The following TSPAN31 variants were observed in gnomAD, a reference collection of about 807,000 sequenced individuals.
TSPAN31 encodes the protein tetraspanin 31.
In TSPAN31, 16 loss-of-function variants were observed where a neutral mutation model predicts 24.8. The observed-to-expected ratio is 0.64, with a 90% CI of 0.44 to 0.98. The LOEUF is 0.98. TSPAN31 is among the 50% of genes least tolerant of loss of function. The pLI is 0.00. For synonymous variants in TSPAN31, 87 were observed against 91.4 expected (o/e 0.95, Z 0.27); for missense variants, 209 against 251.6 (o/e 0.83, Z 1.15).
At chr12:57,746,084 G>A in intron 2 of TSPAN31, 92 bp from the exon 3 acceptor site, 4 of 1,436,404 alleles carry the variant, frequency 2.8e-6, no homozygotes, top group Non-Finnish European at 3.9e-6. Flanking sequence ...TTGACATGGT[G>A]GTGTAAGTTC....
chr12:57,745,569 T>C (rs752624462), intron 1 of TSPAN31, 176 bp from the exon 2 acceptor site: 36 of 755,994 alleles, frequency 4.8e-5, no homozygotes, highest in South Asian at 4.4e-4. Context: ...TCCTAGCCAT[T>C]CTAACCTTTG....
At chr12:57,746,065 G>T in intron 2 of TSPAN31, 111 bp from the exon 3 acceptor site, 2 of 1,437,886 alleles carry the variant, frequency 1.4e-6, no homozygotes, top group African/African-American at 2.8e-5. Flanking sequence ...TGATTTTATT[G>T]CTTTCAATTT....
intron 3 of TSPAN31, 72 bp downstream of exon 3, chr12:57,746,328 G>C (rs1369463273): frequency 7.0e-7 from 1 of 1,426,140 alleles, no homozygotes; most frequent in Non-Finnish European, 9.9e-7. Context: ...TCCTTCCTTA[G>C]TCTGGCCCCA....
Position 57,748,236 on chromosome 12 carries a change from G to T in TSPAN31, c.*946G>T. On this transcript the variant is annotated 3_prime_UTR_variant, in exon 6 of 6. Transcript: ENST00000257910. ...GAAGAAACATTAAAAAAAAAAAAAA[G>T]ACCATTATTTCTTTGTTTTGTTTTT... The T allele has an allele frequency of 1.5e-5, 5 of 339,900 alleles. No homozygotes were observed. The highest frequency in any genetic ancestry group is 2.2e-5 in the Non-Finnish European group (4 of 182,082). The allele number at this position is 339,900 out of a possible 1,614,324, so 21.1% of individuals were successfully genotyped here. A position where few individuals can be genotyped will look rare whatever the true frequency, so the allele number is the denominator to read the frequency against.
chr12:57,745,110 TCCC>T lies in TSPAN31; in HGVS notation c.-41_-39del. On this transcript the variant is annotated 5_prime_UTR_variant, in exon 1 of 6. Coordinates refer to ENST00000257910, the MANE Select transcript of TSPAN31 (RefSeq NM_005981.5). The stretch of plus-strand genomic sequence containing the variant: ...TCCTGGAAGACGGTCCCCAATACCC[TCCC>T]CCCAAGTCCTTGGGACCACTTGGGT... 2.6e-6 allele frequency: 4 copies of T among 1,548,414 alleles called. No homozygotes were observed. The highest frequency in any genetic ancestry group is 3.5e-6 in the Non-Finnish European group (4 of 1,138,618).
chr12:57,745,853 C>T lies in TSPAN31; in HGVS notation c.172C>T (p.Leu58Phe), dbSNP rs1163221424. 19 of 1,614,020 alleles carry T rather than the reference C, an allele frequency of 1.2e-5. No individual in the cohort carries two copies. Among genetic ancestry groups the T allele is most frequent in the Non-Finnish European group, 1.5e-5 (18 of 1,179,968 alleles). The change falls in exon 2 of 6, where the codon CTT (leucine) becomes TTT (phenylalanine). Residue 58 changes from leucine (L) to phenylalanine (F), a missense_variant. Leu to Phe is a conservative substitution (Grantham distance 22). Transcript: ENST00000257910. ...CATTGCTGTGGGAGTCTTCCTTCTC[C>T]TTATTGCAGTGGCTGGACTGGTGGG... ...GVIAVGVFLL[L>F]IAVAGLVGAV...
In TSPAN31 at chr12:57,745,653, T is replaced by C. The variant is rs1490575644; in HGVS notation, c.64-92T>C. On this transcript the variant is annotated intron_variant, in intron 1 of 5. Coordinates refer to ENST00000257910, the MANE Select transcript of TSPAN31 (RefSeq NM_005981.5). ...CATTCACACACTATTCCATTATTCC[T>C]TCCCCCTGCCCCGCTCCCAAGTCCT... 2.0e-6 allele frequency: 3 copies of C among 1,501,962 alleles called. No individual in the cohort carries two copies. The African/African-American group carries it at 4.2e-5, about 21-fold the overall frequency. 93.0% of individuals were successfully genotyped at this position (1,501,962 alleles called of 1,614,324 possible).
At chr12:57,746,364 C>A in intron 3 of TSPAN31, 108 bp downstream of exon 3, 1 of 1,207,572 alleles carries the variant, frequency 8.3e-7, no homozygotes, top group Non-Finnish European at 1.2e-6. Context: ...TCCTTAGGTG[C>A]ACTGCTTCTG....
rs1955217944 is a variant in TSPAN31, at chr12:57,750,180, TAAATAAATAAATAAATAAAA to T, written c.*2893_*2912del. The T allele has an allele frequency of 6.7e-6, 1 of 149,752 alleles. No individual in the cohort carries two copies. Among genetic ancestry groups the T allele is most frequent in the Non-Finnish European group, 1.5e-5 (1 of 67,512 alleles). The allele number at this position is 149,752 out of a possible 1,614,324, so 9.3% of individuals were successfully genotyped here. A position where few individuals can be genotyped will look rare whatever the true frequency, so the allele number is the denominator to read the frequency against. ...ATAAATAAATAAATAAATAAATAAA[TAAATAAATAAATAAATAAAA>T]AATAAAGAGAATAAAGGGATATGAA... On this transcript the variant is annotated 3_prime_UTR_variant, in exon 6 of 6. Coordinates refer to ENST00000257910, the MANE Select transcript of TSPAN31 (RefSeq NM_005981.5).
In TSPAN31 at chr12:57,746,270, C is replaced by G; in HGVS notation, c.312+14C>G. Reference sequence around the variant, plus strand: ...CGAAGCAAACAGGTAAGACAGTACCCTTTCAAGTACTTACTTGCTTTTTAA... The same window carrying G: ...CGAAGCAAACAGGTAAGACAGTACCGTTTCAAGTACTTACTTGCTTTTTAA... On this transcript the variant is annotated intron_variant, in intron 3 of 5. Transcript: ENST00000257910. 1.9e-6 allele frequency: 3 copies of G among 1,607,418 alleles called. No homozygotes were observed. The South Asian group carries it at 3.3e-5, about 18-fold the overall frequency.
Position 57,745,865 on chromosome 12 carries a change from G to T in TSPAN31, c.184G>T (p.Ala62Ser). ...AGTCTTCCTTCTCCTTATTGCAGTGGCTGGACTGGTGGGTGCTGTCAACCA... is the reference window on the plus strand; with the variant it reads ...AGTCTTCCTTCTCCTTATTGCAGTGTCTGGACTGGTGGGTGCTGTCAACCA... Reference protein sequence around the residue: ...VGVFLLLIAVAGLVGAVNHHQ... With the variant: ...VGVFLLLIAVSGLVGAVNHHQ... The change falls in exon 2 of 6, where the codon GCT (alanine) becomes TCT (serine). Residue 62 changes from alanine (A) to serine (S), a missense_variant. Physicochemically the swap from Ala to Ser is moderately conservative, Grantham distance 99. Coordinates refer to ENST00000257910, the MANE Select transcript of TSPAN31 (RefSeq NM_005981.5). 1.9e-6 allele frequency: 3 copies of T among 1,613,684 alleles called. No individual in the cohort carries two copies. The highest frequency in any genetic ancestry group is 2.5e-6 in the Non-Finnish European group (3 of 1,179,828).
In TSPAN31 at chr12:57,746,264, A is replaced by G. The variant is rs755186109; in HGVS notation, c.312+8A>G. 2.6e-5 allele frequency: 42 copies of G among 1,611,946 alleles called. No individual in the cohort carries two copies. The South Asian group carries it at 4.5e-4, about 17-fold the overall frequency. On this transcript the variant is annotated splice_region_variant and intron_variant, in intron 3 of 5. Transcript: ENST00000257910. ...ATTAACCGAAGCAAACAGGTAAGAC[A>G]GTACCCTTTCAAGTACTTACTTGCT...
rs779205733 is a variant in TSPAN31, at chr12:57,748,697, T to G, written c.*1407T>G. 1 of 937,216 alleles carries G rather than the reference T, an allele frequency of 1.1e-6. No individual in the cohort carries two copies. Among genetic ancestry groups the G allele is most frequent in the Non-Finnish European group, 1.7e-6 (1 of 584,694 alleles). The allele number at this position is 937,216 out of a possible 1,614,324, so 58.1% of individuals were successfully genotyped here. On this transcript the variant is annotated 3_prime_UTR_variant, in exon 6 of 6. Coordinates refer to ENST00000257910, the MANE Select transcript of TSPAN31 (RefSeq NM_005981.5). ...CCACAACAATACCTGGGATGAGCTTTCTTCTTTTTTCTTTTTTTTTTTTTT... is the reference window on the plus strand; with the variant it reads ...CCACAACAATACCTGGGATGAGCTTGCTTCTTTTTTCTTTTTTTTTTTTTT...
At chr12:57,745,277 A>C in intron 1 of TSPAN31, 60 bp downstream of exon 1, 12 of 1,556,432 alleles carry the variant, frequency 7.7e-6, no homozygotes, top group South Asian at 1.2e-5. Flanking sequence ...GAGAATCTCT[A>C]GGGTACTTCC....
intron 1 of TSPAN31, 40 bp from the exon 2 acceptor site, chr12:57,745,705 T>G: frequency 1.2e-6 from 2 of 1,612,396 alleles, no homozygotes; most frequent in Non-Finnish European, 1.7e-6. Flanking sequence ...CTGTGCCGCA[T>G]GCTAGAATTG....
intron 1 of TSPAN31, 70 bp from the exon 2 acceptor site, chr12:57,745,675 T>A: frequency 6.4e-7 from 1 of 1,570,650 alleles, no homozygotes; most frequent in South Asian, 1.1e-5. Flanking sequence ...CGCTCCCAAG[T>A]CCTCTTGTAT....
At position 57,748,305 on chromosome 12, in the gene TSPAN31, C is replaced by A; in HGVS notation, c.*1015C>A. 1 of 549,188 alleles carries A rather than the reference C, an allele frequency of 1.8e-6. No individual in the cohort carries two copies. The highest frequency in any genetic ancestry group is 1.9e-5 in the South Asian group (1 of 52,192). 34.0% of individuals were successfully genotyped at this position (549,188 alleles called of 1,614,324 possible). On this transcript the variant is annotated 3_prime_UTR_variant, in exon 6 of 6. Transcript: ENST00000257910. ...CCAAATATAAAGGTAGGGAAAGGGACAAGAGGGAACATACCCCTTAGTGTA... is the reference window on the plus strand; with the variant it reads ...CCAAATATAAAGGTAGGGAAAGGGAAAAGAGGGAACATACCCCTTAGTGTA...
Position 57,748,175 on chromosome 12 carries a change from T to C in TSPAN31, c.*885T>C, listed in dbSNP as rs1955181278. On this transcript the variant is annotated 3_prime_UTR_variant, in exon 6 of 6. Transcript: ENST00000257910. ...CAGGAAAGTCCCTTCTTCCAAGTGG[T>C]TTTTCCAAATCGCACAATGGCAAAG... The C allele has an allele frequency of 2.9e-6, 1 of 346,374 alleles. No individual in the cohort carries two copies. Among genetic ancestry groups the C allele is most frequent in the Non-Finnish European group, 5.4e-6 (1 of 186,264 alleles). The allele number at this position is 346,374 out of a possible 1,614,324, so 21.5% of individuals were successfully genotyped here.
chr12:57,745,657 C>A, intron 1 of TSPAN31, 88 bp from the exon 2 acceptor site: 1 of 1,528,564 alleles, frequency 6.5e-7, no homozygotes, highest in Non-Finnish European at 9.0e-7. Context: ...TATTCCTTCC[C>A]CCTGCCCCGC....
Sources: allele counts gnomAD v4.1 joint callset, GRCh38; gene constraint gnomAD v4.1.1; transcripts MANE v1.5; gene names NCBI Gene and HGNC (gene_info 2026-07-23, HGNC 2026-07-21).